PTPRM: variants seen among roughly 807,000 people sequenced by gnomAD.
The protein encoded by PTPRM is protein tyrosine phosphatase receptor type M, also known as receptor-type tyrosine-protein phosphatase mu.
In PTPRM, 47 loss-of-function variants were observed where a neutral mutation model predicts 186.7. The observed-to-expected ratio is 0.25, with a 90% CI of 0.20 to 0.32. The LOEUF (loss-of-function observed/expected upper bound fraction) is 0.32. Among genes scored for constraint, PTPRM ranks in the 10% least tolerant of loss-of-function variants. PTPRM has a pLI of 1.00. For missense variants in PTPRM, 1,494 were observed against 1,865.0 expected (o/e 0.80, Z 3.66); for synonymous variants, 668 against 674.9 (o/e 0.99, Z 0.16).
chr18:7,975,243 A>G (rs553353649), intron 7 of PTPRM, among the ~76,000 whole-genome samples: 10 of 152,340 alleles, frequency 6.6e-5, no homozygotes, highest in Non-Finnish European at 1.3e-4. Flanking sequence ...CTTACTGTAC[A>G]ATCCAGCAGT....
At chr18:8,045,887 T>C (rs186529162) in intron 7 of PTPRM, among the ~76,000 whole-genome samples, 116 of 152,308 alleles carry the variant, frequency 7.6e-4, no homozygotes, top group African/African-American at 2.5e-3. Flanking sequence ...ATGATTGTAA[T>C]AGCAGACTTC....
Position 8,406,266 on chromosome 18 carries a change from C to T in PTPRM, c.*104C>T. 8.6e-7 allele frequency: 1 copy of T among 1,156,988 alleles called. No homozygotes were observed. The highest frequency in any genetic ancestry group is 1.2e-6 in the Non-Finnish European group (1 of 802,464). The allele number at this position is 1,156,988 out of a possible 1,614,324, so 71.7% of individuals were successfully genotyped here. On this transcript the variant is annotated 3_prime_UTR_variant, in exon 33 of 33. Transcript: ENST00000580170. The stretch of plus-strand genomic sequence containing the variant: ...AAGACTTCTCAATATGCTTATTTTG[C>T]TTTGCATAATTGGCTCTTTTTAAGA...
intron 14 of PTPRM, among the ~76,000 whole-genome samples, chr18:8,186,159 C>G (rs998187325): frequency 6.6e-6 from 1 of 151,926 alleles, no homozygotes; most frequent in African/African-American, 2.4e-5. Flanking sequence ...AACCCCGTCT[C>G]TAATAAAAAT....
chr18:8,138,205 CTT>C (rs1297251002), intron 13 of PTPRM, among the ~76,000 whole-genome samples: 7 of 66,826 alleles, frequency 1.0e-4, no homozygotes, highest in East Asian at 9.5e-4. Context: ...CACCCCCTAC[CTT>C]TTTTTTTTTC....
intron 7 of PTPRM, among the ~76,000 whole-genome samples, chr18:8,003,404 G>A (rs866334481): frequency 6.6e-6 from 1 of 152,180 alleles, no homozygotes; most frequent in Non-Finnish European, 1.5e-5. Context: ...TTGGGTATAT[G>A]TTTATTAGCA....
At chr18:8,202,393 T>G (rs752146097) in intron 14 of PTPRM, among the ~76,000 whole-genome samples, 1 of 152,200 alleles carries the variant, frequency 6.6e-6, no homozygotes, top group Admixed American at 6.5e-5. Flanking sequence ...ATTCTAGTTA[T>G]CATATTTCTG....
intron 1 of PTPRM, among the ~76,000 whole-genome samples, chr18:7,663,846 G>T: frequency 6.6e-6 from 1 of 152,330 alleles, no homozygotes; most frequent in Admixed American, 6.5e-5. Flanking sequence ...GCACCTGGGG[G>T]TCCTGCCTCA....
At chr18:8,221,904 G>C (rs1238292286) in intron 14 of PTPRM, among the ~76,000 whole-genome samples, 1 of 152,154 alleles carries the variant, frequency 6.6e-6, no homozygotes, top group African/African-American at 2.4e-5. Context: ...CTCAAACTGG[G>C]TTCAAGCAAG....
intron 2 of PTPRM, among the ~76,000 whole-genome samples, chr18:7,881,037 G>C (rs1489726272): frequency 6.6e-6 from 1 of 152,174 alleles, no homozygotes; most frequent in Non-Finnish European, 1.5e-5. Context: ...CACATGGTTA[G>C]AAGCGTAGTG....
intron 2 of PTPRM, among the ~76,000 whole-genome samples, chr18:7,885,890 A>G (rs1164226232): frequency 6.6e-6 from 1 of 152,214 alleles, no homozygotes; most frequent in African/African-American, 2.4e-5. Flanking sequence ...CAGTAATGGT[A>G]GAAAGGTACC....
At chr18:7,590,025 G>C (rs1204255433) in intron 1 of PTPRM, among the ~76,000 whole-genome samples, 1 of 152,164 alleles carries the variant, frequency 6.6e-6, no homozygotes, top group African/African-American at 2.4e-5. Flanking sequence ...GCAGGTGGGT[G>C]TTGTTATCTT....
At chr18:7,656,976 G>A (rs2038864537) in intron 1 of PTPRM, among the ~76,000 whole-genome samples, 2 of 152,054 alleles carry the variant, frequency 1.3e-5, no homozygotes, top group Non-Finnish European at 1.5e-5. Context: ...TGTGTAGGAA[G>A]CAGAGGTATC....
At chr18:8,008,194 C>T (rs2084304729) in intron 7 of PTPRM, among the ~76,000 whole-genome samples, 1 of 152,096 alleles carries the variant, frequency 6.6e-6, no homozygotes, top group Admixed American at 6.5e-5. Flanking sequence ...CTGCTACCAG[C>T]CCCATATCAC....
chr18:7,608,901 G>C (rs921775963), intron 1 of PTPRM, among the ~76,000 whole-genome samples: 6 of 152,142 alleles, frequency 3.9e-5, no homozygotes, highest in Admixed American at 3.3e-4. Context: ...AGTTAGAACA[G>C]ATGTAGGAAG....
chr18:8,359,391 C>T (rs992079124), intron 23 of PTPRM, among the ~76,000 whole-genome samples: 6 of 152,270 alleles, frequency 3.9e-5, no homozygotes, highest in African/African-American at 9.6e-5. Flanking sequence ...GGGCACCTGC[C>T]TCCATGGTCA....
intron 1 of PTPRM, among the ~76,000 whole-genome samples, chr18:7,661,535 G>C (rs1412470114): frequency 6.6e-6 from 1 of 152,196 alleles, no homozygotes; most frequent in Non-Finnish European, 1.5e-5. Flanking sequence ...CAATTTCCAG[G>C]CTAGTAAATG....
chr18:8,150,534 T>C (rs961228484), intron 14 of PTPRM, among the ~76,000 whole-genome samples: 28 of 152,198 alleles, frequency 1.8e-4, no homozygotes, highest in Non-Finnish European at 2.5e-4. Context: ...ATTATTCTAG[T>C]TAGCAATTTG....
intron 7 of PTPRM, among the ~76,000 whole-genome samples, chr18:8,028,112 C>G (rs1053256081): frequency 6.6e-6 from 1 of 152,200 alleles, no homozygotes; most frequent in Non-Finnish European, 1.5e-5. Flanking sequence ...AAGCCATTCT[C>G]CTGCTTCAGC....
intron 7 of PTPRM, among the ~76,000 whole-genome samples, chr18:8,025,038 G>A (rs996372387): frequency 3.9e-5 from 6 of 152,132 alleles, no homozygotes; most frequent in Non-Finnish European, 8.8e-5. Context: ...GAACTATGCG[G>A]TAGAAGTGGT....
Sources: gnomAD v4.1 joint callset for allele counts (sites outside exome capture counted in the v4.1 genomes callset) on GRCh38, gnomAD v4.1.1 for gene constraint, MANE v1.5 for transcripts, NCBI Gene and HGNC (gene_info 2026-07-23, HGNC 2026-07-21) for gene names.